PLCH1: variants seen among roughly 807,000 people sequenced by gnomAD.
The protein encoded by PLCH1 is phospholipase C eta 1.
In PLCH1, 60 loss-of-function variants were observed where a neutral mutation model predicts 126.7. The observed-to-expected ratio is 0.47, with a 90% CI of 0.38 to 0.59. The LOEUF (loss-of-function observed/expected upper bound fraction) is 0.59. Ranked by LOEUF, PLCH1 falls within the 20% of genes least tolerant of loss-of-function variation. The pLI is 0.00. For synonymous variants in PLCH1, 719 were observed against 734.9 expected (o/e 0.98, Z 0.35); for missense variants, 1,723 against 2,040.0 (o/e 0.84, Z 2.99).
intron 18 of PLCH1, among the ~76,000 whole-genome samples, chr3:155,491,132 A>G (rs1338720221): frequency 6.6e-6 from 1 of 152,232 alleles, no homozygotes; most frequent in Non-Finnish European, 1.5e-5. Flanking sequence ...GGCAAATACC[A>G]AACAGAACTG....
intron 12 of PLCH1, among the ~76,000 whole-genome samples, chr3:155,513,074 G>A (rs68177453): frequency 0.15 from 23,423 of 152,080 alleles, 2,343 homozygotes; most frequent in African/African-American, 0.29. Context: ...AACCAGTCCT[G>A]CACTGTTAAT....
chr3:155,541,328 C>A (rs888910986), intron 10 of PLCH1, among the ~76,000 whole-genome samples: 4 of 152,206 alleles, frequency 2.6e-5, no homozygotes, highest in Middle Eastern at 6.8e-3. Context: ...CAGAAATCAC[C>A]ACTAAAAAAC....
intron 17 of PLCH1, among the ~76,000 whole-genome samples, chr3:155,493,885 A>G (rs1245784938): frequency 2.6e-5 from 4 of 152,212 alleles, no homozygotes; most frequent in African/African-American, 9.6e-5. Flanking sequence ...GTGATAACCC[A>G]ATGCTATCCA....
At chr3:155,716,907 G>A (rs140370716) in intron 1 of PLCH1, among the ~76,000 whole-genome samples, 240 of 152,274 alleles carry the variant, frequency 1.6e-3, no homozygotes, top group Non-Finnish European at 2.4e-3. Context: ...CGAAGTCCAA[G>A]GTCTCATCTG....
At chr3:155,490,891 T>C (rs778781697) in intron 18 of PLCH1, 23 bp from the exon 19 acceptor site, 10 of 1,229,110 alleles carry the variant, frequency 8.1e-6, no homozygotes, top group Non-Finnish European at 1.2e-5. Flanking sequence ...GAGAAAGTAC[T>C]ATTACAAATA....
chr3:155,720,316 A>G (rs553069733), intron 1 of PLCH1, among the ~76,000 whole-genome samples: 4 of 152,194 alleles, frequency 2.6e-5, no homozygotes, highest in Non-Finnish European at 4.4e-5. Flanking sequence ...CAGTGGTTGT[A>G]TTAGTTTACA....
intron 6 of PLCH1, among the ~76,000 whole-genome samples, chr3:155,580,833 CT>C (rs1730571168): frequency 6.6e-6 from 1 of 152,122 alleles, no homozygotes; most frequent in Non-Finnish European, 1.5e-5. Context: ...TGTTTTACTT[CT>C]TCACATTCTC....
chr3:155,503,071 A>C (rs1054139694), intron 13 of PLCH1, among the ~76,000 whole-genome samples: 3 of 152,236 alleles, frequency 2.0e-5, no homozygotes, highest in African/African-American at 7.2e-5. Flanking sequence ...TTAGTGTAAC[A>C]TCTTTTTTCA....
chr3:155,624,886 A>G (rs537224504), intron 2 of PLCH1, among the ~76,000 whole-genome samples: 1 of 152,336 alleles, frequency 6.6e-6, no homozygotes, highest in Admixed American at 6.5e-5. Flanking sequence ...GAATTGGAAA[A>G]AAACTACCTT....
intron 12 of PLCH1, among the ~76,000 whole-genome samples, chr3:155,510,998 A>C (rs1311545106): frequency 0.016 from 1,975 of 126,278 alleles, 31 homozygotes; most frequent in Non-Finnish European, 0.024. Context: ...TACACCAATC[A>C]TACGTAGATT....
At chr3:155,600,114 T>C (rs540978423) in intron 2 of PLCH1, among the ~76,000 whole-genome samples, 1 of 152,278 alleles carries the variant, frequency 6.6e-6, no homozygotes, top group East Asian at 1.9e-4. Context: ...TTGAGAGTCA[T>C]CTAACTTACT....
intron 9 of PLCH1, among the ~76,000 whole-genome samples, chr3:155,553,560 C>T (rs1322809490): frequency 6.6e-6 from 1 of 150,478 alleles, no homozygotes; most frequent in Non-Finnish European, 1.5e-5. Context: ...GACTGCAGTA[C>T]AAAAAAAAGA....
chr3:155,706,255 AG>A (rs1254904094), intron 1 of PLCH1, among the ~76,000 whole-genome samples: 1 of 151,302 alleles, frequency 6.6e-6, no homozygotes, highest in Non-Finnish European at 1.5e-5. Context: ...TGGGAGGCCA[AG>A]GTGGGTGGAT....
intron 2 of PLCH1, among the ~76,000 whole-genome samples, chr3:155,637,258 C>A (rs1738840356): frequency 6.6e-6 from 1 of 152,152 alleles, no homozygotes; most frequent in Admixed American, 6.5e-5. Context: ...AATTAATGAG[C>A]CCTCAGTCAG....
At chr3:155,575,140 T>A (rs1220076652) in intron 6 of PLCH1, among the ~76,000 whole-genome samples, 2 of 150,484 alleles carry the variant, frequency 1.3e-5, no homozygotes, top group African/African-American at 4.9e-5. Flanking sequence ...AAAAAAAAAA[T>A]AAATAAATAA....
chr3:155,601,491 AATACATAT>A (rs1162053510), intron 2 of PLCH1, among the ~76,000 whole-genome samples: 9 of 152,036 alleles, frequency 5.9e-5, no homozygotes, highest in Admixed American at 5.2e-4. Flanking sequence ...ATACATATAT[AATACATAT>A]ATACATATAT....
chr3:155,527,014 C>T (rs1236294892), intron 10 of PLCH1, among the ~76,000 whole-genome samples: 3 of 152,146 alleles, frequency 2.0e-5, no homozygotes, highest in African/African-American at 4.8e-5. Context: ...TAGCTGCCAG[C>T]ATGTCCACCC....
rs377122539 is a variant in PLCH1, at chr3:155,523,881, C to A, written c.1470+16G>T. 353 of 1,441,016 alleles carry A rather than the reference C, an allele frequency of 2.4e-4. No individual in the cohort carries two copies. The African/African-American group carries it at 4.6e-3, about 19-fold the overall frequency. 89.3% of individuals were successfully genotyped at this position (1,441,016 alleles called of 1,614,324 possible). ...GCATATCAAGGATAAAAAATATGGT[C>A]ATGCCTGCAACTTACATAATGGAGC... On this transcript the variant is annotated intron_variant, in intron 11 of 22. Coordinates refer to ENST00000460012, the MANE Select transcript of PLCH1 (RefSeq NM_014996.4).
At chr3:155,653,485 A>G (rs1741010304) in intron 2 of PLCH1, among the ~76,000 whole-genome samples, 1 of 152,058 alleles carries the variant, frequency 6.6e-6, no homozygotes, top group Non-Finnish European at 1.5e-5. Flanking sequence ...CATGCACTCA[A>G]TTCCTTCACC....
Sources: gnomAD v4.1 joint callset for allele counts (sites outside exome capture counted in the v4.1 genomes callset) on GRCh38, gnomAD v4.1.1 for gene constraint, MANE v1.5 for transcripts, NCBI Gene and HGNC (gene_info 2026-07-23, HGNC 2026-07-21) for gene names.